The following CUL4A variants were observed in gnomAD, a reference collection of about 807,000 sequenced individuals.
The protein encoded by CUL4A is cullin 4A.
A neutral mutation model predicts 95.5 loss-of-function variants in CUL4A; 16 were observed. The observed-to-expected ratio is 0.17, with a 90% CI of 0.11 to 0.25. The LOEUF (loss-of-function observed/expected upper bound fraction) is 0.25. CUL4A is among the 10% of genes least tolerant of loss of function. CUL4A has a pLI of 1.00. For synonymous variants in CUL4A, 380 were observed against 353.1 expected (o/e 1.08, Z -0.85); for missense variants, 610 against 937.0 (o/e 0.65, Z 4.56).
chr13:113,256,913 CT>C (rs35242947), intron 18 of CUL4A, among the ~76,000 whole-genome samples: 20,842 of 77,480 alleles, frequency 0.27, 2,095 homozygotes, highest in East Asian at 0.54. Flanking sequence ...TGCTTTGTCC[CT>C]TTTTTTTTTT....
rs2042363715 is a variant in CUL4A, at chr13:113,264,433, G to A, written c.*851G>A. On this transcript the variant is annotated 3_prime_UTR_variant, in exon 20 of 20. Transcript: ENST00000375440. ...GTTTGGTTTTTACAGTCATGCGCAG[G>A]GACGATCCTTGTTCTCTGCTGTAAA... 1 of 152,092 alleles carries A rather than the reference G, an allele frequency of 6.6e-6. No homozygotes were observed. Among genetic ancestry groups the A allele is most frequent in the African/African-American group, 2.4e-5 (1 of 41,394 alleles). 9.4% of individuals were successfully genotyped at this position (152,092 alleles called of 1,614,324 possible). A position where few individuals can be genotyped will look rare whatever the true frequency, so the allele number is the denominator to read the frequency against.
intron 3 of CUL4A, among the ~76,000 whole-genome samples, chr13:113,226,282 C>T (rs1026758064): frequency 1.4e-4 from 21 of 152,316 alleles, no homozygotes; most frequent in South Asian, 4.1e-4. Flanking sequence ...TCTTGCTGCA[C>T]GGCAGAAACA....
chr13:113,219,201 C>T, intron 3 of CUL4A, 153 bp downstream of exon 3: 1 of 501,938 alleles, frequency 2.0e-6, no homozygotes, highest in South Asian at 3.7e-5. Flanking sequence ...GCGAAATTTA[C>T]CATTTAAATT....
upstream of CUL4A, chr13:113,208,305 T>C: frequency 7.0e-7 from 1 of 1,431,066 alleles, no homozygotes; most frequent in South Asian, 1.5e-5. Flanking sequence ...CGGCCACACG[T>C]GCCAGCAAGT....
At chr13:113,246,914 T>C (rs1488059260) in intron 15 of CUL4A, among the ~76,000 whole-genome samples, 2 of 152,216 alleles carry the variant, frequency 1.3e-5, no homozygotes, top group African/African-American at 4.8e-5. Context: ...TTAGTCTGTT[T>C]TGCATTGCTG....
At chr13:113,230,943 A>G (rs1595379369) in intron 5 of CUL4A, among the ~76,000 whole-genome samples, 1 of 151,848 alleles carries the variant, frequency 6.6e-6, no homozygotes, top group Non-Finnish European at 1.5e-5. Context: ...ACTAACTTCT[A>G]AAAATTTTTT....
intron 9 of CUL4A, 143 bp from the exon 10 acceptor site, chr13:113,239,290 T>A: frequency 1.4e-6 from 1 of 725,920 alleles, no homozygotes; most frequent in Non-Finnish European, 2.5e-6. Flanking sequence ...CAGATCAACC[T>A]GCTCATGTAG....
intron 2 of CUL4A, among the ~76,000 whole-genome samples, chr13:113,216,467 T>C (rs2040696582): frequency 1.3e-5 from 2 of 152,262 alleles, no homozygotes; most frequent in Non-Finnish European, 2.9e-5. Context: ...GCTGTAGATA[T>C]ACACCAAATT....
intron 15 of CUL4A, among the ~76,000 whole-genome samples, chr13:113,251,941 C>T (rs2042004058): frequency 6.6e-6 from 1 of 152,156 alleles, no homozygotes; most frequent in African/African-American, 2.4e-5. Context: ...CTGGGCTGTG[C>T]AGAGATGGTC....
intron 3 of CUL4A, 68 bp downstream of exon 3, chr13:113,219,116 G>T: frequency 1.1e-6 from 1 of 940,056 alleles, no homozygotes; most frequent in South Asian, 1.7e-5. Flanking sequence ...ACATTATTAT[G>T]ATAAAGAGCT....
rs754223917 is a variant in CUL4A at position 113,243,091 on chromosome 13, G to A, written c.1159G>A (p.Val387Ile). The A allele has an allele frequency of 1.2e-5, 20 of 1,614,068 alleles. No homozygotes were observed. Among genetic ancestry groups the A allele is most frequent in the Middle Eastern group, 1.6e-4 (1 of 6,084 alleles). ...CTGCTTCCAGAAGAATGAGCGGTTCGTCAACCTGATGAAGGAGTCCTTTGA... is the reference window on the plus strand; with the variant it reads ...CTGCTTCCAGAAGAATGAGCGGTTCATCAACCTGATGAAGGAGTCCTTTGA... Reference protein sequence around the residue: ...EVCFQKNERFVNLMKESFETF... With the variant: ...EVCFQKNERFINLMKESFETF... Residue 387 changes from valine to isoleucine, a missense_variant, in exon 11 of 20, where the codon GTC becomes ATC. Around this residue, in one of 10 missense-constraint regions of CUL4A, gnomAD observed 153 missense variants for 244.5 expected, o/e 0.63. Coordinates refer to ENST00000375440, the MANE Select transcript of CUL4A (RefSeq NM_001008895.4).
At chr13:113,257,137 C>G (rs1005182242) in intron 18 of CUL4A, among the ~76,000 whole-genome samples, 2 of 151,954 alleles carry the variant, frequency 1.3e-5, no homozygotes, top group Non-Finnish European at 2.9e-5. Context: ...GTTGGCCAGG[C>G]TGGTCTCAAA....
At chr13:113,208,806 G>A, upstream of CUL4A, 9 of 1,412,426 alleles carry the variant, frequency 6.4e-6, no homozygotes, top group Non-Finnish European at 8.3e-6. Flanking sequence ...CTCGGGCTGA[G>A]GGGGCCCGGG....
chr13:113,231,893 G>T (rs1166079589), intron 5 of CUL4A, among the ~76,000 whole-genome samples: 1 of 152,050 alleles, frequency 6.6e-6, no homozygotes, highest in Non-Finnish European at 1.5e-5. Flanking sequence ...CCATTGAGGT[G>T]GCTCCCAGGG....
chr13:113,225,599 C>T (rs1223356504), intron 3 of CUL4A, among the ~76,000 whole-genome samples: 1 of 152,216 alleles, frequency 6.6e-6, no homozygotes, highest in Non-Finnish European at 1.5e-5. Flanking sequence ...CAGTTTAACC[C>T]CGTTAAGTTT....
chr13:113,209,699 C>A lies in CUL4A; in HGVS notation c.72C>A (p.Pro24=). Residue 24 remains proline, a synonymous_variant, in exon 1 of 20, where the codon CCC becomes CCA. Transcript: ENST00000375440. The part of the protein sequence containing the change: ...LVGRTNGLTK[P]AALAAAPAKP... ...GCCGCACCAACGGCCTCACCAAGCC[C>A]GCGGCCCTGGCCGCCGCGCCCGCCA... 1 of 1,153,756 alleles carries A rather than the reference C, an allele frequency of 8.7e-7. No individual in the cohort carries two copies. Among genetic ancestry groups the A allele is most frequent in the Non-Finnish European group, 1.1e-6 (1 of 938,592 alleles). The allele number at this position is 1,153,756 out of a possible 1,614,324, so 71.5% of individuals were successfully genotyped here. A position where few individuals can be genotyped will look rare whatever the true frequency, so the allele number is the denominator to read the frequency against.
At chr13:113,245,654 TCTCA>T (rs766183605) in intron 14 of CUL4A, among the ~76,000 whole-genome samples, 6 of 152,164 alleles carry the variant, frequency 3.9e-5, no homozygotes, top group Non-Finnish European at 8.8e-5. Context: ...ATAGAATGAA[TCTCA>T]CTCTATGTAA....
intron 2 of CUL4A, among the ~76,000 whole-genome samples, chr13:113,217,428 C>T (rs997046165): frequency 6.6e-6 from 1 of 152,112 alleles, no homozygotes; most frequent in Non-Finnish European, 1.5e-5. Flanking sequence ...GTTTGTATTT[C>T]TTTGTTATTA....
chr13:113,250,230 A>G (rs1329125445), intron 15 of CUL4A, among the ~76,000 whole-genome samples: 2 of 152,184 alleles, frequency 1.3e-5, no homozygotes, highest in East Asian at 3.9e-4. Flanking sequence ...GAAGCCAAAG[A>G]TCACTTGAGC....
Sources: gnomAD v4.1 joint callset for allele counts (sites outside exome capture counted in the v4.1 genomes callset) on GRCh38, gnomAD v4.1.1 for gene constraint, gnomAD v4.1.1 regional missense constraint, MANE v1.5 for transcripts, NCBI Gene and HGNC (gene_info 2026-07-23, HGNC 2026-07-21) for gene names.